The following FAM135A variants were observed in gnomAD, a reference collection of about 807,000 sequenced individuals.
The protein encoded by FAM135A is protein FAM135A.
Under a neutral mutation model 146.8 loss-of-function variants are expected in FAM135A, and 79 were observed. That is an observed-to-expected ratio of 0.54 (90% CI 0.45 to 0.65). The LOEUF (loss-of-function observed/expected upper bound fraction) is 0.65. Among genes scored for constraint, FAM135A ranks in the 30% least tolerant of loss-of-function variants. FAM135A has a pLI of 0.00. For synonymous variants in FAM135A, 562 were observed against 603.6 expected, an observed-to-expected ratio of 0.93 and a Z score of 1.01; for missense variants, 1,623 against 1,758.2, an observed-to-expected ratio of 0.92 and a Z score of 1.38.
chr6:70,479,287 T>A (rs559513046), intron 8 of FAM135A, among the ~76,000 whole-genome samples: 83 of 152,242 alleles, frequency 5.5e-4, no homozygotes, highest in African/African-American at 1.9e-3. Flanking sequence ...ACGCAGCAAT[T>A]TTTGCCACAG....
chr6:70,556,945 T>C (rs1800965018), intron 21 of FAM135A, 82 bp downstream of exon 21: 1 of 931,372 alleles, frequency 1.1e-6, no homozygotes, highest in Non-Finnish European at 1.7e-6. Flanking sequence ...CTTTCTCTCG[T>C]ATCTGTCACC....
At chr6:70,493,590 G>C (rs1786541959) in intron 11 of FAM135A, among the ~76,000 whole-genome samples, 2 of 152,194 alleles carry the variant, frequency 1.3e-5, no homozygotes, top group African/African-American at 4.8e-5. Context: ...GATTAGTTTG[G>C]CAGTACGTAT....
At chr6:70,521,679 T>C (rs1465321266) in intron 12 of FAM135A, among the ~76,000 whole-genome samples, 1 of 152,200 alleles carries the variant, frequency 6.6e-6, no homozygotes, top group Admixed American at 6.5e-5. Context: ...ATATAATTTC[T>C]CCTCCCTGTA....
intron 5 of FAM135A, among the ~76,000 whole-genome samples, chr6:70,457,122 C>G (rs552781782): frequency 6.6e-6 from 1 of 152,304 alleles, no homozygotes; most frequent in East Asian, 1.9e-4. Flanking sequence ...TTTATGGCAA[C>G]AAGGAAATGT....
At chr6:70,501,448 G>A (rs190616126) in intron 11 of FAM135A, among the ~76,000 whole-genome samples, 29 of 152,262 alleles carry the variant, frequency 1.9e-4, no homozygotes, top group East Asian at 7.7e-4. Context: ...AGAGGGACCC[G>A]CTGAGAGAGA....
intron 2 of FAM135A, among the ~76,000 whole-genome samples, chr6:70,421,514 T>C (rs1768848463): frequency 6.6e-6 from 1 of 152,192 alleles, no homozygotes; most frequent in African/African-American, 2.4e-5. Context: ...AAGGTAGTTG[T>C]CAGATTGTTT....
At chr6:70,504,833 CGTG>C (rs1789370931) in intron 12 of FAM135A, 1 of 151,854 alleles carries the variant, frequency 6.6e-6, no homozygotes, top group Non-Finnish European at 1.5e-5. Context: ...ATTATCCAGG[CGTG>C]GTGGCGAGTA....
intron 5 of FAM135A, among the ~76,000 whole-genome samples, chr6:70,473,237 G>T (rs1486664663): frequency 6.6e-6 from 1 of 152,112 alleles, no homozygotes; most frequent in African/African-American, 2.4e-5. Context: ...AAAAAAGATG[G>T]TCCAGATTTG....
intron 16 of FAM135A, among the ~76,000 whole-genome samples, chr6:70,531,801 G>A (rs755236664): frequency 3.3e-5 from 5 of 151,156 alleles, no homozygotes; most frequent in South Asian, 2.1e-4. Flanking sequence ...CCATTCTTCC[G>A]CTGAAGCTTC....
intron 20 of FAM135A, among the ~76,000 whole-genome samples, chr6:70,551,766 G>T (rs1799870809): frequency 6.6e-6 from 1 of 152,216 alleles, no homozygotes; most frequent in Non-Finnish European, 1.5e-5. Flanking sequence ...GAAATGGCCA[G>T]TTGGTGGAGC....
intron 10 of FAM135A, among the ~76,000 whole-genome samples, chr6:70,488,170 A>G (rs1785091401): frequency 6.6e-6 from 1 of 152,190 alleles, no homozygotes; most frequent in Non-Finnish European, 1.5e-5. Context: ...GTGGCAAAAC[A>G]GTATAAACAA....
At chr6:70,503,426 T>C (rs1257676264) in intron 12 of FAM135A, 1 of 152,064 alleles carries the variant, frequency 6.6e-6, no homozygotes, top group Non-Finnish European at 1.5e-5. Context: ...CATTAATTTT[T>C]TTCCTTTTTT....
Position 70,526,528 on chromosome 6 carries a change from T to C in FAM135A, c.3444T>C (p.Cys1148=), listed in dbSNP as rs377649839. The C allele has an allele frequency of 8.1e-6, 13 of 1,613,658 alleles. No homozygotes were observed. Among genetic ancestry groups the C allele is most frequent in the Non-Finnish European group, 1.1e-5 (13 of 1,179,716 alleles). ...ATGGTATAAACATGCCTACTGTCTG[T>C]ACTTCTGGTTGTTTGTCCTTCCCGT... ...LRDGINMPTV[C]TSGCLSFPSA... The change falls in exon 15 of 22, where the codon TGT becomes TGC. Residue 1148 remains cysteine, a synonymous_variant. Transcript: ENST00000418814.
intron 4 of FAM135A, among the ~76,000 whole-genome samples, chr6:70,450,713 G>GTTT (rs1192559967): frequency 1.1e-3 from 32 of 29,780 alleles, no homozygotes; most frequent in Non-Finnish European, 2.5e-3. Flanking sequence ...GACCCTTTTA[G>GTTT]TTGTTTTTTT....
intron 5 of FAM135A, among the ~76,000 whole-genome samples, chr6:70,461,615 A>C (rs1779462023): frequency 6.6e-6 from 1 of 152,192 alleles, no homozygotes; most frequent in South Asian, 2.1e-4. Flanking sequence ...TGAGATAGGA[A>C]ACATGAACTA....
chr6:70,553,012 T>C (rs1464132835), intron 20 of FAM135A, among the ~76,000 whole-genome samples: 1 of 152,220 alleles, frequency 6.6e-6, no homozygotes, highest in Non-Finnish European at 1.5e-5. Context: ...CATCTTTTTT[T>C]CAATATAGAG....
At position 70,502,741 on chromosome 6, in the gene FAM135A, C is replaced by T; in HGVS notation, c.979C>T (p.Leu327=). 1 of 1,612,822 alleles carries T rather than the reference C, an allele frequency of 6.2e-7. No homozygotes were observed. Among genetic ancestry groups the T allele is most frequent in the Non-Finnish European group, 8.5e-7 (1 of 1,179,312 alleles). The change falls in exon 12 of 22, where the codon CTA becomes TTA. Residue 327 remains leucine, a synonymous_variant. Transcript: ENST00000418814. ...GGGACAGTTTCTGGAAGTTATAACG[C>T]TACACGAAGAACTAAGAATATTATT... is the stretch of plus-strand genomic sequence containing the variant. ...LWGQFLEVIT[L]HEELRILLAQ...
chr6:70,551,398 T>C (rs1385861908), intron 20 of FAM135A, among the ~76,000 whole-genome samples: 1 of 152,110 alleles, frequency 6.6e-6, no homozygotes, highest in Non-Finnish European at 1.5e-5. Flanking sequence ...CTCCGAATCC[T>C]AGGAGTTTGA....
intron 4 of FAM135A, among the ~76,000 whole-genome samples, chr6:70,433,465 A>T (rs2747702): frequency 0.36 from 55,405 of 151,860 alleles, 16,330 homozygotes; most frequent in African/African-American, 0.82. Context: ...CCAGGACATA[A>T]GGCCATCCTT....
Sources: gnomAD v4.1 joint callset for allele counts (sites outside exome capture counted in the v4.1 genomes callset) on GRCh38, gnomAD v4.1.1 for gene constraint, MANE v1.5 for transcripts, NCBI Gene and HGNC (gene_info 2026-07-23, HGNC 2026-07-21) for gene names.